The following QTMAN variants were observed in gnomAD, a reference collection of about 807,000 sequenced individuals.
QTMAN encodes tRNA-queuosine alpha-mannosyltransferase.
chr2:144,097,078 T>C, the QTMAN span, among the ~76,000 whole-genome samples: 109 of 152,338 alleles, frequency 7.2e-4, 1 homozygote, highest in South Asian at 8.3e-3. Flanking sequence ...TAAGTGTGAA[T>C]TGATAAGGAA....
At chr2:144,313,831 C>T in the QTMAN span, among the ~76,000 whole-genome samples, 8 of 150,206 alleles carry the variant, frequency 5.3e-5, 1 homozygote, top group Admixed American at 5.3e-4. Flanking sequence ...TCAGCTATTA[C>T]ATGAAGAATA....
At chr2:144,146,535 TAACCA>T in the QTMAN span, among the ~76,000 whole-genome samples, 3 of 151,776 alleles carry the variant, frequency 2.0e-5, no homozygotes, top group Non-Finnish European at 4.4e-5. Flanking sequence ...TGCCAGGGTC[TAACCA>T]GGAAGAACAG....
the QTMAN span, among the ~76,000 whole-genome samples, chr2:144,256,931 A>T: frequency 2.0e-5 from 3 of 152,190 alleles, no homozygotes; most frequent in African/African-American, 4.8e-5. Context: ...TAAATATTAA[A>T]TGAGCTTAAT....
At chr2:143,982,526 T>G in the QTMAN span, among the ~76,000 whole-genome samples, 1 of 148,670 alleles carries the variant, frequency 6.7e-6, no homozygotes, top group East Asian at 2.2e-4. Flanking sequence ...TGAGCCACCA[T>G]GCCTGGCCAC....
At chr2:143,979,202 G>A in the QTMAN span, among the ~76,000 whole-genome samples, 2 of 151,554 alleles carry the variant, frequency 1.3e-5, no homozygotes, top group Admixed American at 6.6e-5. Context: ...CTCAGTGGTA[G>A]AGAAAGGATT....
At chr2:144,132,913 G>A in the QTMAN span, among the ~76,000 whole-genome samples, 1 of 149,738 alleles carries the variant, frequency 6.7e-6, no homozygotes, top group Non-Finnish European at 1.5e-5. Flanking sequence ...TAAGGTGGGG[G>A]GCTGCTATTT....
the QTMAN span, chr2:143,957,163 T>C: frequency 6.5e-7 from 1 of 1,548,970 alleles, no homozygotes; most frequent in Non-Finnish European, 8.7e-7. Context: ...TAGAGATTGC[T>C]TTATCACATA....
At chr2:144,297,793 G>T in the QTMAN span, among the ~76,000 whole-genome samples, 2 of 151,116 alleles carry the variant, frequency 1.3e-5, no homozygotes, top group African/African-American at 2.4e-5. Flanking sequence ...TGTTAGCCAG[G>T]ATGGTCTCCA....
the QTMAN span, among the ~76,000 whole-genome samples, chr2:144,330,451 T>C: frequency 6.6e-6 from 1 of 152,204 alleles, no homozygotes; most frequent in Admixed American, 6.5e-5. Context: ...ACGGTTTATA[T>C]ACACCATAAC....
the QTMAN span, among the ~76,000 whole-genome samples, chr2:144,074,559 A>G: frequency 1.8e-4 from 28 of 152,354 alleles, no homozygotes; most frequent in African/African-American, 3.6e-4. Flanking sequence ...CGTAACTGTG[A>G]TAAAGCCAAG....
the QTMAN span, among the ~76,000 whole-genome samples, chr2:144,210,076 G>A: frequency 1.3e-5 from 2 of 151,276 alleles, no homozygotes; most frequent in Admixed American, 6.6e-5. Flanking sequence ...GGGCTGTGGG[G>A]GACTGTGTGT....
chr2:144,157,812 A>G, the QTMAN span, among the ~76,000 whole-genome samples: 1 of 151,978 alleles, frequency 6.6e-6, no homozygotes, highest in African/African-American at 2.4e-5. Flanking sequence ...GTGTATATAT[A>G]TGATATCTAT....
the QTMAN span, among the ~76,000 whole-genome samples, chr2:144,066,552 A>C: frequency 1.3e-3 from 192 of 152,360 alleles, 1 homozygote; most frequent in African/African-American, 4.4e-3. Flanking sequence ...GCAGCGGCTT[A>C]CGCCTGTAAT....
At chr2:144,041,433 G>A in the QTMAN span, among the ~76,000 whole-genome samples, 1 of 152,152 alleles carries the variant, frequency 6.6e-6, no homozygotes, top group Non-Finnish European at 1.5e-5. Context: ...GTGAATATCT[G>A]TCACATACCA....
the QTMAN span, among the ~76,000 whole-genome samples, chr2:143,953,925 A>G: frequency 8.6e-5 from 13 of 151,938 alleles, no homozygotes; most frequent in African/African-American, 3.1e-4. Flanking sequence ...TGTTTTCCCT[A>G]TTTTCCTATG....
chr2:144,182,803 T>TAAA, the QTMAN span, among the ~76,000 whole-genome samples: 1 of 13,692 alleles, frequency 7.3e-5, no homozygotes, highest in African/African-American at 1.1e-4. Flanking sequence ...ATATATTATA[T>TAAA]ATATAATATA....
the QTMAN span, among the ~76,000 whole-genome samples, chr2:143,963,209 A>G: frequency 6.6e-6 from 1 of 152,138 alleles, no homozygotes; most frequent in Non-Finnish European, 1.5e-5. Flanking sequence ...TATCAGAGTA[A>G]AAGCCTAGCC....
chr2:143,970,488 T>A, the QTMAN span, among the ~76,000 whole-genome samples: 1 of 151,026 alleles, frequency 6.6e-6, no homozygotes, highest in Admixed American at 6.6e-5. Context: ...AATGCTTACT[T>A]AAGTATTTTT....
chr2:144,081,852 G>A, the QTMAN span, among the ~76,000 whole-genome samples: 3 of 152,024 alleles, frequency 2.0e-5, no homozygotes, highest in East Asian at 1.9e-4. Flanking sequence ...TATCATTTAC[G>A]GGTATATACT....
Sources: allele counts gnomAD v4.1 joint callset (sites outside exome capture counted in the v4.1 genomes callset), GRCh38; gene constraint gnomAD v4.1.1; transcripts MANE v1.5; gene names NCBI Gene and HGNC (gene_info 2026-07-23, HGNC 2026-07-21).